The following SLC24A2 variants were observed in gnomAD, a reference collection of about 807,000 sequenced individuals.
SLC24A2 encodes solute carrier family 24 member 2.
Under a neutral mutation model 62.0 loss-of-function variants are expected in SLC24A2, and 36 were observed. The observed-to-expected ratio is 0.58, with a 90% confidence interval of 0.44 to 0.77. SLC24A2 has a LOEUF of 0.77. Ranked by LOEUF, SLC24A2 falls within the 30% of genes least tolerant of loss-of-function variation. The pLI, the probability that SLC24A2 is intolerant of heterozygous loss-of-function variation, is 0.00. For missense variants in SLC24A2, 846 were observed against 817.9 expected, an observed-to-expected ratio of 1.03 and a Z score of -0.42; for synonymous variants, 358 against 294.0, an observed-to-expected ratio of 1.22 and a Z score of -2.23.
At chr9:20,015,828 T>G in the SLC24A2 span, among the ~76,000 whole-genome samples, 1 of 152,240 alleles carries the variant, frequency 6.6e-6, no homozygotes, top group East Asian at 1.9e-4. Context: ...TGATTCTTCC[T>G]GTTCTCAGCT....
At chr9:20,235,110 G>C in the SLC24A2 span, among the ~76,000 whole-genome samples, 2 of 152,188 alleles carry the variant, frequency 1.3e-5, no homozygotes, top group East Asian at 1.9e-4. Flanking sequence ...GGAGTACCTG[G>C]CTGTGTGAGG....
At chr9:19,780,331 G>A (rs1003443919) in intron 2 of SLC24A2, among the ~76,000 whole-genome samples, 7 of 150,224 alleles carry the variant, frequency 4.7e-5, no homozygotes, top group African/African-American at 1.5e-4. Context: ...GCAGTGGCAC[G>A]ATCTTGGCTC....
At chr9:20,027,144 T>A in the SLC24A2 span, among the ~76,000 whole-genome samples, 1 of 152,106 alleles carries the variant, frequency 6.6e-6, no homozygotes, top group African/African-American at 2.4e-5. Flanking sequence ...TTACAATGAC[T>A]ATTATCAAAA....
the SLC24A2 span, among the ~76,000 whole-genome samples, chr9:20,080,145 C>T: frequency 6.6e-6 from 1 of 152,274 alleles, no homozygotes; most frequent in Admixed American, 6.5e-5. Flanking sequence ...TCATATGGAA[C>T]CAAAAATAAG....
the SLC24A2 span, among the ~76,000 whole-genome samples, chr9:20,059,413 C>G: frequency 6.6e-6 from 1 of 152,112 alleles, no homozygotes; most frequent in East Asian, 1.9e-4. Flanking sequence ...TAAAACAAGT[C>G]TCCATAAATT....
At chr9:19,669,691 A>T (rs946669436) in intron 2 of SLC24A2, among the ~76,000 whole-genome samples, 1 of 152,162 alleles carries the variant, frequency 6.6e-6, no homozygotes, top group Non-Finnish European at 1.5e-5. Flanking sequence ...AAAACCAGCA[A>T]CAGCAAGTTG....
chr9:19,910,237 G>C, the SLC24A2 span, among the ~76,000 whole-genome samples: 1 of 151,884 alleles, frequency 6.6e-6, no homozygotes, highest in African/African-American at 2.4e-5. Context: ...AAAAACCTAG[G>C]AGCTCATCCT....
intron 2 of SLC24A2, among the ~76,000 whole-genome samples, chr9:19,784,421 G>C (rs186763106): frequency 6.6e-6 from 1 of 152,308 alleles, no homozygotes; most frequent in African/African-American, 2.4e-5. Context: ...AAGAAAACAA[G>C]AAAGTACTGA....
At chr9:19,888,431 A>AT in the SLC24A2 span, among the ~76,000 whole-genome samples, 1 of 151,900 alleles carries the variant, frequency 6.6e-6, no homozygotes, top group Admixed American at 6.6e-5. Context: ...CAAGCAACCC[A>AT]TTTTTTTCTC....
intron 7 of SLC24A2, among the ~76,000 whole-genome samples, chr9:19,571,907 A>G (rs1482017023): frequency 6.6e-6 from 1 of 150,848 alleles, no homozygotes; most frequent in East Asian, 2.2e-4. Flanking sequence ...TCTCAGCTCT[A>G]CCATCTACAA....
chr9:20,059,926 G>T, the SLC24A2 span, among the ~76,000 whole-genome samples: 3 of 152,080 alleles, frequency 2.0e-5, no homozygotes, highest in African/African-American at 7.2e-5. Flanking sequence ...GAAGAAAAAA[G>T]GGAGAGAAGA....
chr9:20,173,290 T>C, the SLC24A2 span, among the ~76,000 whole-genome samples: 1 of 152,046 alleles, frequency 6.6e-6, no homozygotes, highest in African/African-American at 2.4e-5. Context: ...ATGCCCACTC[T>C]CACCACTTCT....
At chr9:19,958,786 C>T in the SLC24A2 span, among the ~76,000 whole-genome samples, 1 of 152,134 alleles carries the variant, frequency 6.6e-6, no homozygotes, top group African/African-American at 2.4e-5. Flanking sequence ...TGTAAAAATA[C>T]TGTGTGAGAT....
At chr9:20,269,587 T>C in the SLC24A2 span, among the ~76,000 whole-genome samples, 56 of 152,352 alleles carry the variant, frequency 3.7e-4, no homozygotes, top group South Asian at 6.2e-4. Context: ...GTACCCCTGA[T>C]AGCAGATGTC....
chr9:20,011,122 T>C, the SLC24A2 span, among the ~76,000 whole-genome samples: 2 of 152,118 alleles, frequency 1.3e-5, no homozygotes, highest in East Asian at 1.9e-4. Flanking sequence ...TGGGTATATA[T>C]CCAGTAATGG....
At chr9:19,915,444 A>G in the SLC24A2 span, among the ~76,000 whole-genome samples, 1 of 152,114 alleles carries the variant, frequency 6.6e-6, no homozygotes, top group South Asian at 2.1e-4. Context: ...TCTTGGGCAT[A>G]TACCTAGGTA....
the SLC24A2 span, among the ~76,000 whole-genome samples, chr9:20,043,850 G>A: frequency 6.6e-6 from 1 of 152,212 alleles, no homozygotes; most frequent in Non-Finnish European, 1.5e-5. Context: ...CAGTGGCAGG[G>A]TTTTGAGAGG....
chr9:20,134,428 G>C, the SLC24A2 span, among the ~76,000 whole-genome samples: 1 of 152,106 alleles, frequency 6.6e-6, no homozygotes, highest in Non-Finnish European at 1.5e-5. Flanking sequence ...TGGAGTCACA[G>C]AGGCCAGGGC....
intron 4 of SLC24A2, among the ~76,000 whole-genome samples, chr9:19,611,404 G>GGGGAAACGAGGGCAGAGAAGA (rs1837162660): frequency 6.6e-6 from 1 of 151,068 alleles, no homozygotes. Context: ...AGGGGAAGGA[G>GGGGAAACGAGGGCAGAGAAGA]GGGAAACGAG....
Sources: gnomAD v4.1 joint callset for allele counts (sites outside exome capture counted in the v4.1 genomes callset) on GRCh38, gnomAD v4.1.1 for gene constraint, MANE v1.5 for transcripts, NCBI Gene and HGNC (gene_info 2026-07-23, HGNC 2026-07-21) for gene names.